NDUFAF2: variants seen among roughly 807,000 people sequenced by gnomAD.
The protein encoded by NDUFAF2 is NADH:ubiquinone oxidoreductase complex assembly factor 2.
A neutral mutation model predicts 22.8 loss-of-function variants in NDUFAF2; 13 were observed. That is an observed-to-expected ratio of 0.57 (90% CI 0.37 to 0.91). The LOEUF is 0.91. NDUFAF2 is among the 40% of genes least tolerant of loss of function. The pLI is 0.01. For synonymous variants in NDUFAF2, 53 were observed against 64.2 expected, an observed-to-expected ratio of 0.83 and a Z score of 0.84; for missense variants, 162 against 195.2, an observed-to-expected ratio of 0.83 and a Z score of 1.01.
intron 3 of NDUFAF2, among the ~76,000 whole-genome samples, chr5:61,141,084 G>A (rs944744817): frequency 1.1e-4 from 16 of 152,058 alleles, no homozygotes; most frequent in Admixed American, 2.0e-4. Context: ...AAAATTAGCC[G>A]GACGTGGTGG....
chr5:61,004,572 A>G (rs1751340874), intron 1 of NDUFAF2, among the ~76,000 whole-genome samples: 1 of 152,150 alleles, frequency 6.6e-6, no homozygotes. Flanking sequence ...ACATGAAAAT[A>G]TGTATATTTG....
At chr5:61,101,223 C>T (rs192344078) in intron 3 of NDUFAF2, among the ~76,000 whole-genome samples, 1 of 152,152 alleles carries the variant, frequency 6.6e-6, no homozygotes, top group Non-Finnish European at 1.5e-5. Flanking sequence ...AAGGCAAATT[C>T]CACCCAGGTC....
chr5:60,953,350 A>G (rs961180410), intron 1 of NDUFAF2, among the ~76,000 whole-genome samples: 2 of 152,168 alleles, frequency 1.3e-5, no homozygotes, highest in African/African-American at 4.8e-5. Context: ...AAGTCTGCCA[A>G]CCTATAATTT....
At chr5:60,971,312 G>C (rs758006197) in intron 1 of NDUFAF2, among the ~76,000 whole-genome samples, 7 of 145,802 alleles carry the variant, frequency 4.8e-5, no homozygotes, top group Non-Finnish European at 7.5e-5. Context: ...TTTTGAGACA[G>C]AGTCTGGCTC....
At chr5:60,955,478 G>T (rs1283821565) in intron 1 of NDUFAF2, among the ~76,000 whole-genome samples, 1 of 152,068 alleles carries the variant, frequency 6.6e-6, no homozygotes, top group Admixed American at 6.6e-5. Context: ...GCTTTTAAAC[G>T]TATTTTGAAA....
intron 1 of NDUFAF2, among the ~76,000 whole-genome samples, chr5:61,063,716 A>G (rs1174714471): frequency 9.2e-5 from 14 of 152,106 alleles, no homozygotes; most frequent in Admixed American, 9.2e-4. Flanking sequence ...CATTCTGACC[A>G]CAAAACAAAA....
chr5:60,961,466 G>T (rs1251509415), intron 1 of NDUFAF2, among the ~76,000 whole-genome samples: 1 of 152,026 alleles, frequency 6.6e-6, no homozygotes, highest in Non-Finnish European at 1.5e-5. Context: ...ATGGTGGCGG[G>T]TGCCTGTAGT....
chr5:61,005,106 G>T (rs1751348712), intron 1 of NDUFAF2, among the ~76,000 whole-genome samples: 1 of 151,990 alleles, frequency 6.6e-6, no homozygotes, highest in Admixed American at 6.6e-5. Context: ...CCCCATGACA[G>T]ACCCCGGTGT....
At chr5:61,030,817 A>G (rs1210517478) in intron 1 of NDUFAF2, among the ~76,000 whole-genome samples, 2 of 152,122 alleles carry the variant, frequency 1.3e-5, no homozygotes, top group Non-Finnish European at 2.9e-5. Flanking sequence ...CATATAACTA[A>G]TGAGGTCTTC....
At chr5:61,152,359 G>A (rs1161301730) in intron 3 of NDUFAF2, among the ~76,000 whole-genome samples, 2 of 151,688 alleles carry the variant, frequency 1.3e-5, no homozygotes, top group Admixed American at 6.6e-5. Context: ...CTGAGTTTTA[G>A]GGCAGAAATC....
chr5:60,999,062 G>A (rs1751263639), intron 1 of NDUFAF2, among the ~76,000 whole-genome samples: 1 of 151,912 alleles, frequency 6.6e-6, no homozygotes, highest in East Asian at 1.9e-4. Context: ...ACCAATGAAA[G>A]TTGAGTGAAA....
At chr5:61,107,044 T>TACACACACAC (rs71578646) in intron 3 of NDUFAF2, among the ~76,000 whole-genome samples, 2,587 of 64,396 alleles carry the variant, frequency 0.04, 39 homozygotes, top group East Asian at 0.09. Context: ...TTTGGATAAA[T>TACACACACAC]ATACACACAC....
At chr5:61,079,950 C>T (rs891762429) in intron 2 of NDUFAF2, among the ~76,000 whole-genome samples, 3 of 152,178 alleles carry the variant, frequency 2.0e-5, no homozygotes, top group Non-Finnish European at 2.9e-5. Context: ...GTTTATTTAA[C>T]GTTCTCTGAG....
rs576318306 is a variant in NDUFAF2 at position 61,043,983 on chromosome 5, A to G, written c.128-29142A>G. ...TACATTCCCACCAACAGTGTGCAAG[A>G]GTTCGCTTTTCCCCACATCCTTGCC... is the stretch of plus-strand genomic sequence containing the variant. On this transcript the variant is annotated intron_variant, in intron 1 of 3. Transcript: ENST00000296597. 4.6e-5 allele frequency among the ~76,000 whole-genome samples: 7 copies of G among 152,188 alleles called. No homozygotes were observed. In the South Asian group the frequency reaches 1.5e-3, roughly 32 times the overall value.
intron 1 of NDUFAF2, among the ~76,000 whole-genome samples, chr5:61,001,748 A>G (rs1423837439): frequency 6.6e-6 from 1 of 152,114 alleles, no homozygotes; most frequent in African/African-American, 2.4e-5. Context: ...TCTTTTAGGT[A>G]CTAACCTCAG....
intron 2 of NDUFAF2, among the ~76,000 whole-genome samples, chr5:61,079,542 G>A (rs866172122): frequency 3.9e-5 from 6 of 152,158 alleles, no homozygotes; most frequent in East Asian, 1.9e-4. Context: ...CTCACATTGC[G>A]ACGCAGAATC....
intron 1 of NDUFAF2, among the ~76,000 whole-genome samples, chr5:61,064,783 G>A (rs999248828): frequency 1.3e-5 from 2 of 151,582 alleles, no homozygotes; most frequent in African/African-American, 4.8e-5. Flanking sequence ...AAAGAAGAAA[G>A]ATTTCAAATA....
intron 1 of NDUFAF2, among the ~76,000 whole-genome samples, chr5:61,010,515 T>G (rs1390277980): frequency 6.6e-6 from 1 of 152,088 alleles, no homozygotes; most frequent in African/African-American, 2.4e-5. Context: ...CCTTTATCTC[T>G]CATTTAAATA....
chr5:61,113,303 T>C (rs1752868655), intron 3 of NDUFAF2, among the ~76,000 whole-genome samples: 2 of 152,308 alleles, frequency 1.3e-5, no homozygotes, highest in South Asian at 2.1e-4. Context: ...TTCTTTCTGA[T>C]TGAAGAACTC....
Sources: allele counts gnomAD v4.1 joint callset (sites outside exome capture counted in the v4.1 genomes callset), GRCh38; gene constraint gnomAD v4.1.1; transcripts MANE v1.5; gene names NCBI Gene and HGNC (gene_info 2026-07-23, HGNC 2026-07-21).